The following ARHGEF33 variants were observed in gnomAD, a reference collection of about 807,000 sequenced individuals.
The protein encoded by ARHGEF33 is Rho guanine nucleotide exchange factor 33, also known as DH and coiled-coil domain-containing protein ENSP00000381780.
Under a neutral mutation model 101.9 loss-of-function variants are expected in ARHGEF33, and 72 were observed. The observed-to-expected ratio is 0.71, with a 90% CI of 0.58 to 0.86. The LOEUF (loss-of-function observed/expected upper bound fraction) is 0.86, where lower values mean the gene tolerates loss of function less well. Ranked by LOEUF, ARHGEF33 falls within the 40% of genes least tolerant of loss-of-function variation. The pLI is 0.00. For missense variants in ARHGEF33, 1,169 were observed against 1,111.3 expected (o/e 1.05, Z -0.74); for synonymous variants, 499 against 442.5 (o/e 1.13, Z -1.60).
chr2:38,954,254 A>G, intron 12 of ARHGEF33, 119 bp from the exon 13 acceptor site: 1 of 658,466 alleles, frequency 1.5e-6, no homozygotes, highest in South Asian at 1.8e-5. Flanking sequence ...CTCTATGACA[A>G]TCTCTGGGAA....
intron 9 of ARHGEF33, among the ~76,000 whole-genome samples, chr2:38,937,780 A>T (rs1667186117): frequency 6.6e-6 from 1 of 152,138 alleles, no homozygotes; most frequent in Non-Finnish European, 1.5e-5. Flanking sequence ...TGTTCAAGAC[A>T]CTTAGTAATG....
At chr2:38,891,866 GA>G (rs1010680665) in intron 1 of ARHGEF33, among the ~76,000 whole-genome samples, 4 of 151,268 alleles carry the variant, frequency 2.6e-5, no homozygotes, top group East Asian at 3.9e-4. Context: ...GTCATGGAAG[GA>G]AAAAAAACCC....
rs1363616187 is a variant in ARHGEF33, at chr2:38,957,024, T to A, written c.1347T>A (p.Ile449=). 7 of 1,551,942 alleles carry A rather than the reference T, an allele frequency of 4.5e-6. No homozygotes were observed. The highest frequency in any genetic ancestry group is 6.1e-6 in the Non-Finnish European group (7 of 1,147,054). ...LLFQCNEDLL[I]QKRKKLKKSS... ...TTCAATGCAATGAAGATTTGCTTATTCAGAAACGGAAAAAGCTCAAGAAGT... is the reference window on the plus strand; with the variant it reads ...TTCAATGCAATGAAGATTTGCTTATACAGAAACGGAAAAAGCTCAAGAAGT... Residue 449 remains isoleucine, a synonymous_variant, in exon 14 of 18, where the codon ATT becomes ATA. Transcript: ENST00000409978.
At chr2:38,968,070 C>T (rs1276227990) in intron 17 of ARHGEF33, among the ~76,000 whole-genome samples, 1 of 151,330 alleles carries the variant, frequency 6.6e-6, no homozygotes, top group Non-Finnish European at 1.5e-5. Context: ...CACCACTGGT[C>T]CCTTTACTAA....
In ARHGEF33 at chr2:38,956,278, T is replaced by C. The variant is rs561755354; in HGVS notation, c.1222-621T>C. Among the ~76,000 whole-genome samples, 120 of 152,346 alleles carry C rather than the reference T, an allele frequency of 7.9e-4. 2 individuals carry two copies. Among genetic ancestry groups the C allele is most frequent in the Non-Finnish European group, 1.0e-3 (69 of 68,034 alleles). On this transcript the variant is annotated intron_variant, in intron 13 of 17. Transcript: ENST00000409978. The stretch of plus-strand genomic sequence containing the variant: ...TAGATGTGTGACCTGATGAAGATCA[T>C]TTACCTTCTTCGTACCTCGATTTCC...
intron 2 of ARHGEF33, among the ~76,000 whole-genome samples, chr2:38,905,535 G>A (rs778089500): frequency 2.0e-5 from 3 of 152,230 alleles, no homozygotes; most frequent in South Asian, 2.1e-4. Context: ...CCCAGAGAGA[G>A]TGCCTGGCTT....
In ARHGEF33 at chr2:38,958,129, A is replaced by G; in HGVS notation, c.1466A>G (p.Asp489Gly). Residue 489 changes from aspartate (D) to glycine (G), a missense_variant, in exon 15 of 18, where the codon GAC becomes GGC. Coordinates refer to ENST00000409978, the MANE Select transcript of ARHGEF33 (RefSeq NM_001145451.5). ...ACTGCAGGTCCTGAGGCTGTCCGTGACACTGGGATCCACTCAGAAGAGTTG... is the reference window on the plus strand; with the variant it reads ...ACTGCAGGTCCTGAGGCTGTCCGTGGCACTGGGATCCACTCAGAAGAGTTG... Reference protein sequence around the residue: ...SPTAGPEAVRDTGIHSEELLQ... With the variant: ...SPTAGPEAVRGTGIHSEELLQ... 6.4e-7 allele frequency: 1 copy of G among 1,552,008 alleles called. No individual in the cohort carries two copies. Among genetic ancestry groups the G allele is most frequent in the Non-Finnish European group, 8.7e-7 (1 of 1,147,070 alleles).
intron 2 of ARHGEF33, among the ~76,000 whole-genome samples, chr2:38,917,776 C>A: frequency 6.6e-6 from 1 of 151,188 alleles, no homozygotes. Flanking sequence ...CTCCAGTGAG[C>A]CATCATAAGG....
intron 9 of ARHGEF33, among the ~76,000 whole-genome samples, chr2:38,939,932 A>G (rs1165551255): frequency 2.6e-5 from 4 of 152,246 alleles, no homozygotes. Flanking sequence ...TTATAGTTTT[A>G]GCTTTCACAT....
chr2:38,909,488 A>C (rs1283696225), intron 2 of ARHGEF33, among the ~76,000 whole-genome samples: 1 of 141,652 alleles, frequency 7.1e-6, no homozygotes, highest in East Asian at 2.1e-4. Flanking sequence ...CGACTGGCTA[A>C]TTTCTTTTTT....
At chr2:38,900,148 T>C (rs913144236) in intron 2 of ARHGEF33, among the ~76,000 whole-genome samples, 1 of 152,172 alleles carries the variant, frequency 6.6e-6, no homozygotes, top group African/African-American at 2.4e-5. Context: ...GCTAGGATTA[T>C]ACCACCGCAT....
intron 17 of ARHGEF33, among the ~76,000 whole-genome samples, chr2:38,967,580 C>T (rs958497701): frequency 6.6e-6 from 1 of 151,934 alleles, no homozygotes; most frequent in African/African-American, 2.4e-5. Flanking sequence ...GATTTAGACT[C>T]CTGAATCTTT....
intron 6 of ARHGEF33, 47 bp downstream of exon 6, chr2:38,929,877 G>A (rs1176453993): frequency 4.6e-6 from 7 of 1,532,988 alleles, no homozygotes; most frequent in African/African-American, 1.4e-5. Context: ...ATAAGCAATG[G>A]CTTCTGCAGA....
intron 11 of ARHGEF33, among the ~76,000 whole-genome samples, chr2:38,952,260 A>T (rs879343727): frequency 1.3e-5 from 2 of 152,244 alleles, no homozygotes; most frequent in East Asian, 3.8e-4. Flanking sequence ...TCTTCTACAG[A>T]CTAGAGTGCA....
chr2:38,954,294 C>A, intron 12 of ARHGEF33, 79 bp from the exon 13 acceptor site: 1 of 823,934 alleles, frequency 1.2e-6, no homozygotes, highest in Non-Finnish European at 2.0e-6. Flanking sequence ...ACCCTTCCTA[C>A]CCTGGTGGGA....
intron 10 of ARHGEF33, among the ~76,000 whole-genome samples, chr2:38,944,876 G>GGTGGGT (rs1553343311): frequency 1.4e-5 from 2 of 145,648 alleles, no homozygotes; most frequent in African/African-American, 5.1e-5. Flanking sequence ...GTAATGCATG[G>GGTGGGT]GTGTGTGTGT....
chr2:38,941,346 G>A (rs766604020), intron 9 of ARHGEF33, among the ~76,000 whole-genome samples: 1 of 152,154 alleles, frequency 6.6e-6, no homozygotes, highest in African/African-American at 2.4e-5. Flanking sequence ...ATAAGATGGA[G>A]TCAGCTATGT....
intron 10 of ARHGEF33, among the ~76,000 whole-genome samples, chr2:38,945,376 G>A (rs1667418919): frequency 6.6e-6 from 1 of 152,194 alleles, no homozygotes. Flanking sequence ...CTATTTTCAA[G>A]AGTTATTTTA....
At chr2:38,918,518 A>C (rs538658282) in intron 2 of ARHGEF33, among the ~76,000 whole-genome samples, 4 of 152,284 alleles carry the variant, frequency 2.6e-5, no homozygotes, top group Admixed American at 1.3e-4. Flanking sequence ...GATGGCTAAA[A>C]AGAGGGCCAG....
Sources: gnomAD v4.1 joint callset for allele counts (sites outside exome capture counted in the v4.1 genomes callset) on GRCh38, gnomAD v4.1.1 for gene constraint, MANE v1.5 for transcripts, NCBI Gene and HGNC (gene_info 2026-07-23, HGNC 2026-07-21) for gene names.